The following AGAP1 variants were observed in gnomAD, a reference collection of about 807,000 sequenced individuals.
AGAP1 encodes the protein arf-GAP with GTPase, ANK repeat and PH domain-containing protein 1.
A neutral mutation model predicts 105.3 loss-of-function variants in AGAP1; 29 were observed. That is an observed-to-expected ratio of 0.28 (90% confidence interval 0.21 to 0.38). The LOEUF (loss-of-function observed/expected upper bound fraction) is 0.38, where lower values mean the gene tolerates loss of function less well. Among genes scored for constraint, AGAP1 ranks in the 10% least tolerant of loss-of-function variants. The probability of loss-of-function intolerance (pLI) is 1.00; values close to 1 mark genes in which losing one functional copy is unlikely to be tolerated. For missense variants in AGAP1, 998 were observed against 1,165.1 expected, an observed-to-expected ratio of 0.86 and a Z score of 2.09; for synonymous variants, 509 against 485.9, an observed-to-expected ratio of 1.05 and a Z score of -0.63.
In AGAP1 at chr2:235,965,949, C is replaced by T. The variant is rs1216397546; in HGVS notation, c.1484-2513C>T. 1.3e-5 allele frequency among the ~76,000 whole-genome samples: 2 copies of T among 152,042 alleles called. No homozygotes were observed. The highest frequency in any genetic ancestry group is 4.8e-5 in the African/African-American group (2 of 41,386). The stretch of plus-strand genomic sequence containing the variant: ...TTTAGCAAGAGAGGGGAGCCCATTC[C>T]TCTAGGGATGGAGAGAGGGGAGTCC... On this transcript the variant is annotated intron_variant, in intron 12 of 17. Coordinates refer to ENST00000304032, the MANE Select transcript of AGAP1 (RefSeq NM_001037131.3). The surrounding 1 kb of genome is among the most constrained non-coding windows in gnomAD (Gnocchi z 5.8).
At chr2:236,072,205 G>A (rs1466641112) in intron 16 of AGAP1, 1 of 150,470 alleles carries the variant, frequency 6.6e-6, no homozygotes, top group Non-Finnish European at 1.5e-5. Flanking sequence ...ACTTTGGGAG[G>A]CCAAGGCAGA....
At chr2:235,920,037 C>T (rs369350727) in intron 11 of AGAP1, among the ~76,000 whole-genome samples, 1 of 152,134 alleles carries the variant, frequency 6.6e-6, no homozygotes, top group South Asian at 2.1e-4. Context: ...GAATAAGACT[C>T]CACGTTTTAG....
At position 235,799,345 on chromosome 2, in the gene AGAP1, C is replaced by T. The variant is rs1559501593; in HGVS notation, c.802-22C>T. ...GTTCCTGAGTATGTCGTTAATGAAACCTTGGATTTTAATCATTTCAGACAA... is the reference window on the plus strand; with the variant it reads ...GTTCCTGAGTATGTCGTTAATGAAATCTTGGATTTTAATCATTTCAGACAA... On this transcript the variant is annotated intron_variant, in intron 7 of 17. Transcript: ENST00000304032. This position sits in a 1 kb window ranked among gnomAD's most constrained non-coding sequence, Gnocchi z 5.0. 2 of 1,610,978 alleles carry T rather than the reference C, an allele frequency of 1.2e-6. No individual in the cohort carries two copies. The highest frequency in any genetic ancestry group is 1.1e-5 in the South Asian group (1 of 90,556).
rs1039895654 is a variant in AGAP1, at chr2:235,741,364, G to A, written c.396+316G>A. On this transcript the variant is annotated intron_variant, in intron 4 of 17. Coordinates refer to ENST00000304032, the MANE Select transcript of AGAP1 (RefSeq NM_001037131.3). The surrounding 1 kb of genome is among the most constrained non-coding windows in gnomAD (Gnocchi z 4.9). ...GAAATGACATCTGGAAATTTCTGTC[G>A]TTTGGTTTGTTTTTTGGCCTTTTCC... is the stretch of plus-strand genomic sequence containing the variant. Among the ~76,000 whole-genome samples, 4 of 152,174 alleles carry A rather than the reference G, an allele frequency of 2.6e-5. No individual in the cohort carries two copies. The highest frequency in any genetic ancestry group is 2.0e-4 in the Admixed American group (3 of 15,274).
intron 5 of AGAP1, among the ~76,000 whole-genome samples, chr2:235,748,881 C>T (rs1314089050): frequency 2.0e-5 from 3 of 152,156 alleles, no homozygotes; most frequent in Non-Finnish European, 4.4e-5. Context: ...GCATAAGAGC[C>T]TTCAAGCCCT....
At chr2:235,579,716 C>G (rs183361054) in intron 1 of AGAP1, among the ~76,000 whole-genome samples, 45 of 151,472 alleles carry the variant, frequency 3.0e-4, no homozygotes, top group African/African-American at 1.1e-3. Flanking sequence ...GAGGAGCTTG[C>G]AGTGAGTGGA....
chr2:235,544,678 G>T (rs1002049417), intron 1 of AGAP1, among the ~76,000 whole-genome samples: 1 of 152,222 alleles, frequency 6.6e-6, no homozygotes, highest in African/African-American at 2.4e-5. Context: ...ACCCCTGCTG[G>T]ATTGTAGATG....
rs1339405069 is a variant in AGAP1, at chr2:235,961,297, T to A, written c.1484-7165T>A. Among the ~76,000 whole-genome samples, 1 of 152,196 alleles carries A rather than the reference T, an allele frequency of 6.6e-6. No homozygotes were observed. The highest frequency in any genetic ancestry group is 1.5e-5 in the Non-Finnish European group (1 of 68,032). On this transcript the variant is annotated intron_variant, in intron 12 of 17. Transcript: ENST00000304032. The surrounding 1 kb of genome is among the most constrained non-coding windows in gnomAD (Gnocchi z 5.9). ...TCCTTTGGCTCCTGGAGTCTAAAAC[T>A]TCCTGGTGTCCCTTCTGCCTGCCTA... is the stretch of plus-strand genomic sequence containing the variant.
rs1256827841 is a variant in AGAP1, at chr2:235,550,731, CAA to C, written c.163+55884_163+55885del. On this transcript the variant is annotated intron_variant, in intron 1 of 17. Coordinates refer to ENST00000304032, the MANE Select transcript of AGAP1 (RefSeq NM_001037131.3). This position sits in a 1 kb window ranked among gnomAD's most constrained non-coding sequence, Gnocchi z 4.6. ...GACGATCGCAAATCCTTCCTGTGGC[CAA>C]AGAGTGAGCTCTTTGATGCTGATGA... Among the ~76,000 whole-genome samples, 1 of 152,156 alleles carries C rather than the reference CAA, an allele frequency of 6.6e-6. No homozygotes were observed.
chr2:235,526,104 GTAGAGGACTGACA>G, intron 1 of AGAP1, among the ~76,000 whole-genome samples: 1 of 75,402 alleles, frequency 1.3e-5, no homozygotes, highest in Non-Finnish European at 2.5e-5. Context: ...GATTTATAAA[GTAGAGGACTGACA>G]CATAATGTGG....
rs1946894581 is a variant in AGAP1, at chr2:235,633,497, G to C, written c.164-75682G>C. Among the ~76,000 whole-genome samples the C allele has an allele frequency of 6.6e-6, 1 of 152,200 alleles. No individual in the cohort carries two copies. The highest frequency in any genetic ancestry group is 1.5e-5 in the Non-Finnish European group (1 of 68,048). ...TAATTCCAGCTACTCGGGGGCTAAA[G>C]CAGGAGAATCCCTCGAACCCAGGAG... On this transcript the variant is annotated intron_variant, in intron 1 of 17. Coordinates refer to ENST00000304032, the MANE Select transcript of AGAP1 (RefSeq NM_001037131.3). The surrounding 1 kb of genome is among the most constrained non-coding windows in gnomAD (Gnocchi z 4.8).
intron 13 of AGAP1, 51 bp downstream of exon 13, chr2:235,968,674 C>A: frequency 6.4e-7 from 1 of 1,570,526 alleles, no homozygotes. Context: ...GGAAAATTCT[C>A]TGTTATTTTT....
intron 1 of AGAP1, among the ~76,000 whole-genome samples, chr2:235,501,173 G>A (rs1376744814): frequency 6.6e-6 from 1 of 152,148 alleles, no homozygotes; most frequent in East Asian, 1.9e-4. Context: ...TGCTGTCAGG[G>A]GCATCTGTCA....
intron 1 of AGAP1, among the ~76,000 whole-genome samples, chr2:235,589,560 G>A (rs1945261717): frequency 6.6e-6 from 1 of 152,112 alleles, no homozygotes; most frequent in Admixed American, 6.6e-5. Flanking sequence ...AACTTTTCAA[G>A]TGTAACTCCT....
At chr2:236,094,990 T>C (rs1175510042) in intron 16 of AGAP1, among the ~76,000 whole-genome samples, 1 of 148,810 alleles carries the variant, frequency 6.7e-6, no homozygotes, top group Non-Finnish European at 1.5e-5. Flanking sequence ...TCCCAGCTAC[T>C]CTTGAGGATG....
intron 1 of AGAP1, among the ~76,000 whole-genome samples, chr2:235,570,464 T>C (rs568817610): frequency 1.3e-5 from 2 of 152,346 alleles, no homozygotes; most frequent in East Asian, 1.9e-4. Context: ...CAAAGACTTA[T>C]CACACAAATA....
rs1336199763 is a variant in AGAP1 at position 235,572,003 on chromosome 2, C to CACA, written c.163+77154_163+77155insACA. On this transcript the variant is annotated intron_variant, in intron 1 of 17. Coordinates refer to ENST00000304032, the MANE Select transcript of AGAP1 (RefSeq NM_001037131.3). Reference sequence around the variant, plus strand: ...ACACACACACACACACACACACACACTTTTTTTTTTTTTTTTTGAAGCAGC... The same window carrying CACA: ...ACACACACACACACACACACACACACACATTTTTTTTTTTTTTTTTGAAGCAGC... Among the ~76,000 whole-genome samples the CACA allele has an allele frequency of 9.6e-3, 896 of 93,346 alleles. 10 individuals carry two copies. Among genetic ancestry groups the CACA allele is most frequent in the African/African-American group, 0.033 (701 of 21,232 alleles). 61.2% of individuals were successfully genotyped at this position (93,346 alleles called of 152,430 possible).
intron 1 of AGAP1, among the ~76,000 whole-genome samples, chr2:235,591,249 C>T (rs1043343667): frequency 3.3e-5 from 5 of 152,198 alleles, no homozygotes; most frequent in African/African-American, 1.2e-4. Context: ...CTCCTGGACT[C>T]AGGTGATGCA....
At chr2:235,572,757 T>C (rs183612161) in intron 1 of AGAP1, among the ~76,000 whole-genome samples, 133 of 152,310 alleles carry the variant, frequency 8.7e-4, no homozygotes, top group African/African-American at 2.8e-3. Flanking sequence ...GGCCGTTGTG[T>C]GCATCACACT....
Sources: allele counts gnomAD v4.1 joint callset (sites outside exome capture counted in the v4.1 genomes callset), GRCh38; gene constraint gnomAD v4.1.1; non-coding constraint Gnocchi (gnomAD v3.1); transcripts MANE v1.5; gene names NCBI Gene and HGNC (gene_info 2026-07-23, HGNC 2026-07-21).